EXT1: variants seen among roughly 807,000 people sequenced by gnomAD.
EXT1 encodes exostosin glycosyltransferase 1, also known as exostosin-1.
EXT1 carries 20 observed loss-of-function variants against 82.5 expected under a neutral mutation model. That is an observed-to-expected ratio of 0.24 (90% CI 0.17 to 0.35). The LOEUF is 0.35. Among genes scored for constraint, EXT1 ranks in the 10% least tolerant of loss-of-function variants. The pLI, the probability that EXT1 is intolerant of heterozygous loss-of-function variation, is 1.00. For missense variants in EXT1, 757 were observed against 936.5 expected (o/e 0.81, Z 2.50); for synonymous variants, 348 against 350.8 (o/e 0.99, Z 0.09).
At chr8:117,976,851 GA>G (rs933167760) in intron 1 of EXT1, among the ~76,000 whole-genome samples, 8 of 152,260 alleles carry the variant, frequency 5.3e-5, no homozygotes, top group African/African-American at 1.9e-4. Context: ...TGGGGTTAGG[GA>G]GAGAGGGGTA....
At chr8:118,040,707 T>C (rs1021718821) in intron 1 of EXT1, among the ~76,000 whole-genome samples, 8 of 152,328 alleles carry the variant, frequency 5.3e-5, no homozygotes, top group African/African-American at 1.9e-4. Context: ...TTTTATCTCC[T>C]CCAGCAGGCA....
At position 117,914,754 on chromosome 8, in the gene EXT1, G is replaced by A. The variant is rs145101208; in HGVS notation, c.963-77553C>T. On this transcript the variant is annotated intron_variant, in intron 1 of 10. Transcript: ENST00000378204. ...GCCCTGATAAATTTGTGGTCAGACC[G>A]GTTCTCTACTCTCGAACCCTGTTTT... 2.4e-3 allele frequency among the ~76,000 whole-genome samples: 371 copies of A among 152,222 alleles called. 2 individuals carry two copies. The highest frequency in any genetic ancestry group is 7.9e-3 in the African/African-American group (328 of 41,538).
intron 1 of EXT1, among the ~76,000 whole-genome samples, chr8:118,072,287 A>G (rs1314889911): frequency 6.6e-6 from 1 of 152,218 alleles, no homozygotes; most frequent in Non-Finnish European, 1.5e-5. Context: ...AGGACCAATG[A>G]TACTGAGCAT....
intron 1 of EXT1, among the ~76,000 whole-genome samples, chr8:118,020,098 TA>T (rs1816074439): frequency 6.6e-6 from 1 of 152,232 alleles, no homozygotes; most frequent in African/African-American, 2.4e-5. Flanking sequence ...CATGTTTTTA[TA>T]AAATAAGAGA....
chr8:117,960,336 T>A (rs557603977), intron 1 of EXT1, among the ~76,000 whole-genome samples: 2 of 152,250 alleles, frequency 1.3e-5, no homozygotes, highest in Admixed American at 1.3e-4. Flanking sequence ...AACTATTTTG[T>A]ACATGTAATC....
chr8:117,909,213 A>G (rs1013405982), intron 1 of EXT1, among the ~76,000 whole-genome samples: 1 of 152,198 alleles, frequency 6.6e-6, no homozygotes, highest in Non-Finnish European at 1.5e-5. Flanking sequence ...CCTATTCTAA[A>G]CTAAGAGTAA....
rs567794940 is a variant in EXT1 at position 117,874,490 on chromosome 8, C to T, written c.963-37289G>A. ...ACTTGGGAGGCTGAGGCAGAAGAAC[C>T]GCTTGAACCTGGCAGGCGGAGGTTG... On this transcript the variant is annotated intron_variant, in intron 1 of 10. Coordinates refer to ENST00000378204, the MANE Select transcript of EXT1 (RefSeq NM_000127.3). Among the ~76,000 whole-genome samples the T allele has an allele frequency of 6.4e-4, 94 of 147,974 alleles. 1 individual carries two copies. Among genetic ancestry groups the T allele is most frequent in the Non-Finnish European group, 1.0e-4 (7 of 67,656 alleles).
chr8:117,981,568 T>C (rs750985538), intron 1 of EXT1, among the ~76,000 whole-genome samples: 6 of 152,146 alleles, frequency 3.9e-5, no homozygotes, highest in Non-Finnish European at 7.4e-5. Flanking sequence ...CTTGAAAAAG[T>C]ACTTTCTGCT....
intron 1 of EXT1, among the ~76,000 whole-genome samples, chr8:118,083,393 T>C (rs1287835463): frequency 6.6e-6 from 1 of 152,228 alleles, no homozygotes; most frequent in East Asian, 1.9e-4. Flanking sequence ...CTGTTATGAA[T>C]ATATCTTCTT....
At position 117,950,005 on chromosome 8, in the gene EXT1, G is replaced by T. The variant is rs750400291; in HGVS notation, c.963-112804C>A. Among the ~76,000 whole-genome samples, 7 of 152,230 alleles carry T rather than the reference G, an allele frequency of 4.6e-5. No individual in the cohort carries two copies. In the South Asian group the frequency reaches 1.5e-3, roughly 32 times the overall value. On this transcript the variant is annotated intron_variant, in intron 1 of 10. Transcript: ENST00000378204. ...TTTGGGAGGCTGAGGCGGGCAGATC[G>T]CTTGAGGTCAGGAGTCTGAGACCAG...
intron 1 of EXT1, among the ~76,000 whole-genome samples, chr8:118,104,467 A>G (rs1376488923): frequency 6.6e-6 from 1 of 151,952 alleles, no homozygotes; most frequent in Non-Finnish European, 1.5e-5. Context: ...ACCTCGAGAG[A>G]AAAAAAACGC....
intron 6 of EXT1, 108 bp from the exon 7 acceptor site, chr8:117,818,638 T>G: frequency 2.2e-6 from 2 of 922,500 alleles, no homozygotes; most frequent in Non-Finnish European, 3.6e-6. Context: ...GCTGGAAATC[T>G]CAGCAAGACA....
intron 1 of EXT1, among the ~76,000 whole-genome samples, chr8:118,056,154 T>C (rs1334038842): frequency 6.6e-6 from 1 of 152,258 alleles, no homozygotes; most frequent in African/African-American, 2.4e-5. Flanking sequence ...AAAGCCATTC[T>C]GTGCTGCAGG....
intron 3 of EXT1, among the ~76,000 whole-genome samples, chr8:117,833,046 G>A (rs541126653): frequency 3.9e-5 from 6 of 152,256 alleles, no homozygotes; most frequent in African/African-American, 1.2e-4. Flanking sequence ...CATCCCAGCT[G>A]TTCTAAAACA....
At chr8:117,849,977 C>T (rs1389068305) in intron 1 of EXT1, among the ~76,000 whole-genome samples, 3 of 152,196 alleles carry the variant, frequency 2.0e-5, no homozygotes, top group South Asian at 2.1e-4. Context: ...TTACCAAAGC[C>T]GGTGATTAAA....
At chr8:117,992,550 A>G (rs1472900806) in intron 1 of EXT1, among the ~76,000 whole-genome samples, 1 of 151,860 alleles carries the variant, frequency 6.6e-6, no homozygotes, top group Non-Finnish European at 1.5e-5. Context: ...AGACCCATGA[A>G]TCTTCTTAAC....
At chr8:117,850,982 A>G (rs1190727928) in intron 1 of EXT1, among the ~76,000 whole-genome samples, 1 of 152,224 alleles carries the variant, frequency 6.6e-6, no homozygotes, top group Non-Finnish European at 1.5e-5. Context: ...CCTTAGCACA[A>G]AAAACTGCCT....
In EXT1 at chr8:117,929,204, G is replaced by A. The variant is rs531465317; in HGVS notation, c.963-92003C>T. Among the ~76,000 whole-genome samples, 4 of 152,296 alleles carry A rather than the reference G, an allele frequency of 2.6e-5. No individual in the cohort carries two copies. In the East Asian group the frequency reaches 7.7e-4, roughly 29 times the overall value. On this transcript the variant is annotated intron_variant, in intron 1 of 10. Coordinates refer to ENST00000378204, the MANE Select transcript of EXT1 (RefSeq NM_000127.3). The stretch of plus-strand genomic sequence containing the variant: ...GGCTAAGCCTGACCAAGCAGTGCCT[G>A]CAACACTGAGCTCAAGGAAGAAATA...
intron 1 of EXT1, among the ~76,000 whole-genome samples, chr8:117,963,627 A>G (rs531403475): frequency 4.6e-5 from 7 of 152,164 alleles, no homozygotes; most frequent in African/African-American, 1.4e-4. Context: ...AATAGCTGGG[A>G]TTACAGGAAG....
Sources: allele counts gnomAD v4.1 joint callset (sites outside exome capture counted in the v4.1 genomes callset), GRCh38; gene constraint gnomAD v4.1.1; transcripts MANE v1.5; gene names NCBI Gene and HGNC (gene_info 2026-07-23, HGNC 2026-07-21).